Variants in SYT1 observed in about 807,000 individuals in gnomAD.
SYT1 encodes synaptotagmin-1.
SYT1 carries 8 observed loss-of-function variants against 44.8 expected under a neutral mutation model. That is an observed-to-expected ratio of 0.18 (90% CI 0.10 to 0.32). SYT1 has a LOEUF of 0.32. Among genes scored for constraint, SYT1 ranks in the 10% least tolerant of loss-of-function variants. The probability of loss-of-function intolerance (pLI) is 1.00; values close to 1 mark genes in which losing one functional copy is unlikely to be tolerated. For synonymous variants in SYT1, 154 were observed against 188.8 expected (o/e 0.82, Z 1.51); for missense variants, 286 against 509.3 (o/e 0.56, Z 4.22).
At chr12:79,009,853 C>T (rs1046533811) in intron 2 of SYT1, among the ~76,000 whole-genome samples, 14 of 151,998 alleles carry the variant, frequency 9.2e-5, no homozygotes, top group African/African-American at 2.9e-4. Flanking sequence ...AGATTTGGTG[C>T]TTTTCTCCAC....
At chr12:79,049,048 G>C (rs535227609) in intron 3 of SYT1, among the ~76,000 whole-genome samples, 22 of 151,792 alleles carry the variant, frequency 1.4e-4, no homozygotes, top group Non-Finnish European at 2.8e-4. Flanking sequence ...ACTGACATAA[G>C]CTCTTTATGC....
intron 9 of SYT1, among the ~76,000 whole-genome samples, chr12:79,425,597 A>G (rs1182608191): frequency 6.6e-6 from 1 of 152,188 alleles, no homozygotes; most frequent in Non-Finnish European, 1.5e-5. Context: ...TCTGAATGCT[A>G]TGTAAATCCC....
At chr12:79,408,425 T>G (rs186940247) in intron 9 of SYT1, among the ~76,000 whole-genome samples, 1 of 152,222 alleles carries the variant, frequency 6.6e-6, no homozygotes, top group East Asian at 1.9e-4. Flanking sequence ...AGATTGGCAT[T>G]AGTGGGTTTA....
chr12:79,371,114 T>A (rs370710772), intron 9 of SYT1, among the ~76,000 whole-genome samples: 1 of 152,222 alleles, frequency 6.6e-6, no homozygotes, highest in Non-Finnish European at 1.5e-5. Flanking sequence ...ATCCTATTCA[T>A]ACTCTCATGA....
Position 78,931,224 on chromosome 12 carries a change from A to AAAGAAAGAAAGG in SYT1, c.-216-46564_-216-46563insGAAGAAAGAAAG, listed in dbSNP as rs1877652459. 6.6e-5 allele frequency among the ~76,000 whole-genome samples: 4 copies of AAAGAAAGAAAGG among 61,010 alleles called. No individual in the cohort carries two copies. The Admixed American group carries it at 8.0e-4, about 12-fold the overall frequency. 40.0% of individuals were successfully genotyped at this position (61,010 alleles called of 152,430 possible). On this transcript the variant is annotated intron_variant, in intron 1 of 10. Coordinates refer to ENST00000261205, the MANE Select transcript of SYT1 (RefSeq NM_005639.3). Reference sequence around the variant, plus strand: ...GAAAGAAAGAAAGAAAGAAAGAAAGAAAGAAAGAAAGAAAGAAGGAAGGAA... The same window carrying AAAGAAAGAAAGG: ...GAAAGAAAGAAAGAAAGAAAGAAAGAAAGAAAGAAAGGAAGAAAGAAAGAAAGAAGGAAGGAA...
intron 1 of SYT1, among the ~76,000 whole-genome samples, chr12:78,966,912 C>T (rs1868262137): frequency 6.6e-6 from 1 of 151,984 alleles, no homozygotes; most frequent in South Asian, 2.1e-4. Context: ...TTAACTTTTC[C>T]AGTATGTTAC....
At chr12:79,113,885 T>A (rs190688163) in intron 3 of SYT1, among the ~76,000 whole-genome samples, 4 of 152,258 alleles carry the variant, frequency 2.6e-5, no homozygotes, top group African/African-American at 9.6e-5. Flanking sequence ...TATCTAATTC[T>A]GCCTCAAAAA....
At chr12:79,308,610 GAAAAAGAAAGAAAGAA>G (rs752953578) in intron 8 of SYT1, among the ~76,000 whole-genome samples, 1 of 61,076 alleles carries the variant, frequency 1.6e-5, no homozygotes, top group Admixed American at 1.9e-4. Flanking sequence ...AAGAAAGAAA[GAAAAAGAAAGAAAGAA>G]AGAAAGAAAG....
chr12:79,432,773 C>T lies in SYT1; in HGVS notation c.929-11300C>T, dbSNP rs143060539. 7.1e-3 allele frequency among the ~76,000 whole-genome samples: 1,082 copies of T among 152,108 alleles called. 7 individuals carry two copies. Among genetic ancestry groups the T allele is most frequent in the Middle Eastern group, 0.02 (6 of 294 alleles). ...GGATTACAGGCGTGTACAACCACAC[C>T]CGGCTAATTTTTGTATTCTTAGTAG... On this transcript the variant is annotated intron_variant, in intron 9 of 10. Coordinates refer to ENST00000261205, the MANE Select transcript of SYT1 (RefSeq NM_005639.3).
intron 1 of SYT1, among the ~76,000 whole-genome samples, chr12:78,927,946 A>G (rs1376707211): frequency 1.3e-5 from 2 of 152,134 alleles, no homozygotes; most frequent in Non-Finnish European, 2.9e-5. Flanking sequence ...ATACCTCCAC[A>G]CTGTGTTTTT....
chr12:78,976,270 T>C (rs1359107663), intron 1 of SYT1, among the ~76,000 whole-genome samples: 1 of 152,212 alleles, frequency 6.6e-6, no homozygotes, highest in Non-Finnish European at 1.5e-5. Flanking sequence ...GCAATTAATA[T>C]TCATTAAATA....
intron 8 of SYT1, among the ~76,000 whole-genome samples, chr12:79,347,935 C>T (rs1446517430): frequency 6.6e-6 from 1 of 151,920 alleles, no homozygotes; most frequent in African/African-American, 2.4e-5. Flanking sequence ...AAGCAGAAAG[C>T]TGAATAAACT....
At chr12:79,337,341 G>A (rs999840034) in intron 8 of SYT1, among the ~76,000 whole-genome samples, 1 of 152,110 alleles carries the variant, frequency 6.6e-6, no homozygotes, top group African/African-American at 2.4e-5. Flanking sequence ...TCTCCAAATT[G>A]CGTGGCCATT....
At chr12:79,408,303 A>G (rs1868310829) in intron 9 of SYT1, among the ~76,000 whole-genome samples, 2 of 152,170 alleles carry the variant, frequency 1.3e-5, no homozygotes, top group South Asian at 4.1e-4. Flanking sequence ...AGAATTAGAA[A>G]TTGCTCAAAT....
At chr12:79,143,061 C>T (rs976798474) in intron 3 of SYT1, among the ~76,000 whole-genome samples, 4 of 151,866 alleles carry the variant, frequency 2.6e-5, no homozygotes, top group Non-Finnish European at 4.4e-5. Context: ...TAAGAAAATC[C>T]TACATTTAAA....
At chr12:78,974,130 A>T (rs1335771145) in intron 1 of SYT1, among the ~76,000 whole-genome samples, 1 of 150,570 alleles carries the variant, frequency 6.6e-6, no homozygotes, top group Non-Finnish European at 1.5e-5. Flanking sequence ...GGTATAGCCT[A>T]TTGCTCCTAA....
intron 9 of SYT1, among the ~76,000 whole-genome samples, chr12:79,385,130 G>A (rs572505535): frequency 1.3e-5 from 2 of 151,696 alleles, no homozygotes; most frequent in South Asian, 2.1e-4. Context: ...GGGATTACAG[G>A]CACCCACCAC....
intron 3 of SYT1, among the ~76,000 whole-genome samples, chr12:79,110,928 G>T (rs1297203879): frequency 1.3e-5 from 2 of 152,030 alleles, no homozygotes; most frequent in Non-Finnish European, 2.9e-5. Context: ...TAAGTGATTT[G>T]CCCAAGGACA....
intron 9 of SYT1, among the ~76,000 whole-genome samples, chr12:79,366,082 TA>T (rs1452536186): frequency 6.6e-6 from 1 of 152,210 alleles, no homozygotes; most frequent in Admixed American, 6.5e-5. Context: ...CTACTTTTAC[TA>T]AAAGTTGCCA....
Sources: gnomAD v4.1 joint callset for allele counts (sites outside exome capture counted in the v4.1 genomes callset) on GRCh38, gnomAD v4.1.1 for gene constraint, MANE v1.5 for transcripts, NCBI Gene and HGNC (gene_info 2026-07-23, HGNC 2026-07-21) for gene names.